The following GSE1 variants were observed in gnomAD, a reference collection of about 807,000 sequenced individuals.
GSE1 encodes the protein Gse1 coiled-coil protein.
Under a neutral mutation model 112.6 loss-of-function variants are expected in GSE1, and 32 were observed. The ratio of observed to expected loss-of-function variants is 0.28; its 90% CI spans 0.21 to 0.38. The LOEUF is 0.38. GSE1 is among the 10% of genes least tolerant of loss of function. The probability of loss-of-function intolerance (pLI) is 1.00; values close to 1 mark genes in which losing one functional copy is unlikely to be tolerated. For synonymous variants in GSE1, 1,115 were observed against 735.6 expected (o/e 1.52, Z -8.35); for missense variants, 2,348 against 1,699.2 (o/e 1.38, Z -6.71).
rs193160681 is a variant in GSE1 at position 85,391,755 on chromosome 16, G to A, written c.2464+34112G>A. Among the ~76,000 whole-genome samples the A allele has an allele frequency of 2.7e-3, 413 of 152,316 alleles. 1 individual carries two copies. The highest frequency in any genetic ancestry group is 8.9e-3 in the African/African-American group (368 of 41,560). On this transcript the variant is annotated intron_variant, in intron 2 of 2. Coordinates refer to the GSE1 transcript ENST00000637419. ...GTGGGGACATTATTCAAGCTGACAT[G>A]TGTGCCCAAGGTCACTGGAGTAGAT...
At chr16:85,651,743 C>T (rs780452870) in intron 3 of GSE1, among the ~76,000 whole-genome samples, 1 of 152,224 alleles carries the variant, frequency 6.6e-6, no homozygotes, top group Non-Finnish European at 1.5e-5. Context: ...CTGTCGTCTC[C>T]CTCCTGCCCT....
At chr16:85,275,857 G>A (rs552091536) in intron 1 of GSE1, among the ~76,000 whole-genome samples, 20 of 152,372 alleles carry the variant, frequency 1.3e-4, no homozygotes, top group African/African-American at 4.1e-4. Flanking sequence ...GATGGAGGAA[G>A]CCCTCCCTGC....
intron 2 of GSE1, among the ~76,000 whole-genome samples, chr16:85,488,514 C>G (rs12599760): frequency 0.19 from 28,170 of 151,852 alleles, 2,921 homozygotes; most frequent in African/African-American, 0.28. Flanking sequence ...TCCAAGCTCC[C>G]TGTTCCTGCC....
At position 85,666,116 on chromosome 16, in the gene GSE1, G is replaced by A. The variant is rs375789240; in HGVS notation, c.2899G>A (p.Ala967Thr). 3 of 1,613,160 alleles carry A rather than the reference G, an allele frequency of 1.9e-6. No homozygotes were observed. Among genetic ancestry groups the A allele is most frequent in the Non-Finnish European group, 2.5e-6 (3 of 1,179,968 alleles). The change falls in exon 13 of 16, where the codon GCT becomes ACT. Residue 967 changes from alanine to threonine, a missense_variant. Transcript: ENST00000253458. ...PQELSRVQEL[A>T]PASGEKARLS... is the part of the protein sequence containing the mutation. ...GGAGCTGTCGAGAGTCCAGGAGCTAGCTCCTGCCAGCGGGGAGAAGGCCAG... is the reference window on the plus strand; with the variant it reads ...GGAGCTGTCGAGAGTCCAGGAGCTAACTCCTGCCAGCGGGGAGAAGGCCAG...
intron 2 of GSE1, 26 bp downstream of exon 2, chr16:85,634,158 T>TG (rs1181613826): frequency 2.2e-6 from 3 of 1,392,726 alleles, no homozygotes; most frequent in South Asian, 1.6e-5. Context: ...AGGCTGCGCG[T>TG]GGGGGGAGCG....
In GSE1 at chr16:85,654,072, G is replaced by C. The variant is rs368766433; in HGVS notation, c.427-206G>C. ...GGATCCCGAGACGCACTTCACCCCAGACCTGTCGCAGCCACATCCCCTTTC... is the reference window on the plus strand; with the variant it reads ...GGATCCCGAGACGCACTTCACCCCACACCTGTCGCAGCCACATCCCCTTTC... On this transcript the variant is annotated intron_variant, in intron 3 of 15. Transcript: ENST00000253458. Among the ~76,000 whole-genome samples, 30 of 152,154 alleles carry C rather than the reference G, an allele frequency of 2.0e-4. 1 individual carries two copies. Among genetic ancestry groups the C allele is most frequent in the African/African-American group, 5.1e-4 (21 of 41,428 alleles).
chr16:85,311,566 A>G lies in GSE1; in HGVS notation c.2284-45897A>G, dbSNP rs1352851416. Among the ~76,000 whole-genome samples the G allele has an allele frequency of 6.6e-6, 1 of 151,898 alleles. No individual in the cohort carries two copies. Among genetic ancestry groups the G allele is most frequent in the Non-Finnish European group, 1.5e-5 (1 of 67,964 alleles). On this transcript the variant is annotated intron_variant, in intron 1 of 2. Transcript: ENST00000637419. This position sits in a 1 kb window ranked among gnomAD's most constrained non-coding sequence, Gnocchi z 4.2. ...ACCTTCCCCGAGGCTTTGTTTCCGG[A>G]TTCTTCTCTTCCCTCCTTGGGGTAC...
At chr16:85,331,485 A>ATATATGTG (rs1040486789) in intron 1 of GSE1, among the ~76,000 whole-genome samples, 6 of 119,718 alleles carry the variant, frequency 5.0e-5, no homozygotes, top group Middle Eastern at 4.5e-3. Flanking sequence ...ATATATGTGT[A>ATATATGTG]TATATGTGTA....
intron 1 of GSE1, among the ~76,000 whole-genome samples, chr16:85,589,027 C>T (rs1203853730): frequency 6.6e-6 from 1 of 152,186 alleles, no homozygotes; most frequent in Admixed American, 6.5e-5. Flanking sequence ...CTCCTGCATG[C>T]CAGGAGGGCC....
At chr16:85,537,358 G>A (rs1230442091) in intron 2 of GSE1, among the ~76,000 whole-genome samples, 1 of 152,222 alleles carries the variant, frequency 6.6e-6, no homozygotes, top group Non-Finnish European at 1.5e-5. Flanking sequence ...GAGACAGGGG[G>A]ATCTCTGCCC....
intron 1 of GSE1, among the ~76,000 whole-genome samples, chr16:85,329,190 G>A (rs1346966029): frequency 6.6e-6 from 1 of 152,136 alleles, no homozygotes; most frequent in Non-Finnish European, 1.5e-5. Context: ...ACCCAGCATC[G>A]CCCTTTAGGA....
chr16:85,666,364 T>A lies in GSE1; in HGVS notation c.3130+17T>A, dbSNP rs1481195202. On this transcript the variant is annotated intron_variant, in intron 13 of 15. Transcript: ENST00000253458. The stretch of plus-strand genomic sequence containing the variant: ...AGCATAAAGGTAATGAGGCTGCCAG[T>A]CCCTGCTCAGCTCTCGGCTGTGGTT... The A allele has an allele frequency of 1.2e-6, 2 of 1,612,762 alleles. No individual in the cohort carries two copies. Among genetic ancestry groups the A allele is most frequent in the Admixed American group, 3.3e-5 (2 of 60,002 alleles).
At chr16:85,422,544 G>A (rs1441722225) in intron 2 of GSE1, among the ~76,000 whole-genome samples, 2 of 151,934 alleles carry the variant, frequency 1.3e-5, no homozygotes, top group Admixed American at 1.3e-4. Flanking sequence ...ACACGTTCAC[G>A]GAGCAGCCAC....
chr16:85,668,326 A>C lies in GSE1; in HGVS notation c.3317A>C (p.Glu1106Ala). Residue 1106 changes from glutamate (E) to alanine (A), a missense_variant, in exon 14 of 16, where the codon GAG becomes GCG. Transcript: ENST00000253458. ...GACCGGGACTCGGAGGAGGAGGAAG[A>C]GGAGGATGATGAAGATGGAGAAGAT... ...ELDRDSEEEE[E>A]EDDEDGEDEE... The C allele has an allele frequency of 6.2e-7, 1 of 1,612,716 alleles. No individual in the cohort carries two copies.
chr16:85,654,239 A>G (rs1469112123), intron 3 of GSE1, 39 bp from the exon 4 acceptor site: 4 of 1,555,686 alleles, frequency 2.6e-6, no homozygotes, highest in South Asian at 1.2e-5. Context: ...AGTGGCCTAT[A>G]CCAGGCTCCT....
At chr16:85,421,665 G>A (rs2048848645) in intron 2 of GSE1, among the ~76,000 whole-genome samples, 1 of 152,158 alleles carries the variant, frequency 6.6e-6, no homozygotes, top group African/African-American at 2.4e-5. Context: ...GGGGCGTCGG[G>A]GGTGCTTCCA....
intron 1 of GSE1, among the ~76,000 whole-genome samples, chr16:85,268,222 G>A (rs2144156418): frequency 1.4e-5 from 1 of 69,606 alleles, no homozygotes; most frequent in Non-Finnish European, 2.5e-5. Context: ...CCCTGGTACT[G>A]GCACAAGGTG....
chr16:85,645,050 G>A (rs1407455330), intron 2 of GSE1, among the ~76,000 whole-genome samples: 3 of 151,602 alleles, frequency 2.0e-5, no homozygotes, highest in East Asian at 1.9e-4. Flanking sequence ...GGTGAGGGGC[G>A]TGGTGCCCCG....
At chr16:85,416,573 C>G (rs569226849) in intron 2 of GSE1, among the ~76,000 whole-genome samples, 1 of 152,328 alleles carries the variant, frequency 6.6e-6, no homozygotes, top group South Asian at 2.1e-4. Flanking sequence ...AGGGTGGCAA[C>G]CTGTGGGGCC....
Sources: allele counts gnomAD v4.1 joint callset (sites outside exome capture counted in the v4.1 genomes callset), GRCh38; gene constraint gnomAD v4.1.1; non-coding constraint Gnocchi (gnomAD v3.1); transcripts MANE v1.5; gene names NCBI Gene and HGNC (gene_info 2026-07-23, HGNC 2026-07-21).